The following RBPMS variants were observed in gnomAD, a reference collection of about 807,000 sequenced individuals.
The protein encoded by RBPMS is RNA binding protein, mRNA processing factor, also known as RNA-binding protein with multiple splicing.
Under a neutral mutation model 26.8 loss-of-function variants are expected in RBPMS, and 7 were observed. The observed-to-expected ratio is 0.26, with a 90% CI of 0.15 to 0.49. The LOEUF is 0.49. Ranked by LOEUF, RBPMS falls within the 20% of genes least tolerant of loss-of-function variation. The pLI is 0.98. For missense variants in RBPMS, 186 were observed against 250.0 expected, an observed-to-expected ratio of 0.74 and a Z score of 1.73; for synonymous variants, 96 against 93.3, an observed-to-expected ratio of 1.03 and a Z score of -0.17.
In RBPMS at chr8:30,521,037, G is replaced by C. The variant is rs570876577; in HGVS notation, c.397+16601G>C. The stretch of plus-strand genomic sequence containing the variant: ...TTTATCTTGTAAAAAGTGTGTCTTT[G>C]CACGTAAGATAAACATAAAACAGAC... On this transcript the variant is annotated intron_variant, in intron 5 of 8. Coordinates refer to ENST00000397323, the MANE Select transcript of RBPMS (RefSeq NM_001008710.3). Among the ~76,000 whole-genome samples, 200 of 152,228 alleles carry C rather than the reference G, an allele frequency of 1.3e-3. 2 individuals are homozygous for C. The highest frequency in any genetic ancestry group is 0.012 in the South Asian group (59 of 4,824).
At chr8:30,446,795 T>TTGTGTGTGTGTGTGTG (rs749402868) in intron 1 of RBPMS, 1 of 112,434 alleles carries the variant, frequency 8.9e-6, no homozygotes, top group African/African-American at 3.4e-5. Context: ...CACACATGGC[T>TTGTGTGTGTGTGTGTG]TGTGTGTGTG....
chr8:30,535,369 T>G (rs984305433), intron 5 of RBPMS, among the ~76,000 whole-genome samples: 1 of 152,102 alleles, frequency 6.6e-6, no homozygotes, highest in Admixed American at 6.5e-5. Flanking sequence ...AAAAGAAAAT[T>G]TTTCGTATAA....
chr8:30,496,997 C>CA (rs984515396), intron 4 of RBPMS, among the ~76,000 whole-genome samples: 1 of 152,182 alleles, frequency 6.6e-6, no homozygotes, highest in Non-Finnish European at 1.5e-5. Flanking sequence ...TGACAATACT[C>CA]AAAAAACTAA....
At chr8:30,488,102 A>G (rs1031450126) in intron 4 of RBPMS, among the ~76,000 whole-genome samples, 1 of 152,194 alleles carries the variant, frequency 6.6e-6, no homozygotes, top group Non-Finnish European at 1.5e-5. Context: ...TGAATTTTTA[A>G]ATCTGGTTTC....
At chr8:30,392,546 G>A (rs780749529) in intron 1 of RBPMS, among the ~76,000 whole-genome samples, 4 of 152,174 alleles carry the variant, frequency 2.6e-5, no homozygotes, top group African/African-American at 2.4e-5. Context: ...AATCTAGGAC[G>A]TCCCAATGGG....
At chr8:30,509,174 C>T (rs140643456) in intron 5 of RBPMS, among the ~76,000 whole-genome samples, 61 of 152,264 alleles carry the variant, frequency 4.0e-4, no homozygotes, top group African/African-American at 1.3e-3. Flanking sequence ...ACTGATAAAT[C>T]AAGGAATTTT....
chr8:30,566,770 C>T (rs1373840301), intron 8 of RBPMS, among the ~76,000 whole-genome samples: 1 of 152,062 alleles, frequency 6.6e-6, no homozygotes, highest in Non-Finnish European at 1.5e-5. Flanking sequence ...ATGTGTATAT[C>T]CCCCCATCTT....
At chr8:30,511,486 A>ATATATATAT (rs1212814521) in intron 5 of RBPMS, among the ~76,000 whole-genome samples, 5 of 23,532 alleles carry the variant, frequency 2.1e-4, no homozygotes, top group African/African-American at 8.3e-4. Context: ...AAAAAAAAAA[A>ATATATATAT]ATATATATAT....
chr8:30,449,196 A>C (rs1390598390), intron 1 of RBPMS, among the ~76,000 whole-genome samples: 1 of 152,166 alleles, frequency 6.6e-6, no homozygotes, highest in Non-Finnish European at 1.5e-5. Context: ...AAAAAGGAAA[A>C]CTATAATGTT....
chr8:30,541,790 G>T (rs1825414989), intron 5 of RBPMS, among the ~76,000 whole-genome samples: 2 of 152,202 alleles, frequency 1.3e-5, no homozygotes, highest in Admixed American at 6.5e-5. Flanking sequence ...CTTCAGTGGG[G>T]AGTCCTTGTG....
chr8:30,535,405 A>C (rs1469140265), intron 5 of RBPMS, among the ~76,000 whole-genome samples: 1 of 152,230 alleles, frequency 6.6e-6, no homozygotes, highest in African/African-American at 2.4e-5. Context: ...TTCAGGGTAC[A>C]CATAGCCTGT....
chr8:30,550,026 A>G (rs1826229473), intron 6 of RBPMS, among the ~76,000 whole-genome samples: 2 of 151,324 alleles, frequency 1.3e-5, no homozygotes, highest in African/African-American at 4.9e-5. Context: ...CATTTTTTGT[A>G]TTTTTAGTAG....
chr8:30,556,324 C>T (rs1416536100), intron 6 of RBPMS: 11 of 985,596 alleles, frequency 1.1e-5, no homozygotes, highest in Middle Eastern at 5.2e-4. Flanking sequence ...ACCAGGCTGA[C>T]GAGAGCCTGA....
At chr8:30,462,194 T>G (rs1815989782) in intron 1 of RBPMS, among the ~76,000 whole-genome samples, 1 of 152,216 alleles carries the variant, frequency 6.6e-6, no homozygotes, top group South Asian at 2.1e-4. Context: ...ACCTGTTTTC[T>G]AGTGTGGTTG....
chr8:30,536,855 G>T (rs1824857604), intron 5 of RBPMS, among the ~76,000 whole-genome samples: 1 of 152,042 alleles, frequency 6.6e-6, no homozygotes, highest in Non-Finnish European at 1.5e-5. Flanking sequence ...TAGCAGAGTG[G>T]GACTGAGCAG....
intron 1 of RBPMS, among the ~76,000 whole-genome samples, chr8:30,431,704 G>C (rs1052992989): frequency 6.6e-6 from 1 of 152,024 alleles, no homozygotes; most frequent in Non-Finnish European, 1.5e-5. Flanking sequence ...GGCCTGCCTC[G>C]TCCTCCCAAA....
chr8:30,476,632 A>G (rs900890886), intron 2 of RBPMS, among the ~76,000 whole-genome samples: 1 of 152,178 alleles, frequency 6.6e-6, no homozygotes, highest in African/African-American at 2.4e-5. Flanking sequence ...TCAGCACCCT[A>G]GTACATTCCT....
rs1318316165 is a variant in RBPMS, at chr8:30,520,120, A to G, written c.397+15684A>G. 3.3e-5 allele frequency among the ~76,000 whole-genome samples: 5 copies of G among 152,206 alleles called. No individual in the cohort carries two copies. In the South Asian group the frequency reaches 6.2e-4, roughly 19 times the overall value. ...TTCAAGCCTACATTGTAAGGTCCCT[A>G]TCACCTTCATTTTAACGACTTCATG... On this transcript the variant is annotated intron_variant, in intron 5 of 8. Coordinates refer to ENST00000397323, the MANE Select transcript of RBPMS (RefSeq NM_001008710.3).
intron 7 of RBPMS, among the ~76,000 whole-genome samples, chr8:30,559,647 T>C (rs1563452903): frequency 6.6e-6 from 1 of 152,220 alleles, no homozygotes; most frequent in African/African-American, 2.4e-5. Flanking sequence ...TAAACTCTAA[T>C]TTAGTATGTG....
Sources: allele counts gnomAD v4.1 joint callset (sites outside exome capture counted in the v4.1 genomes callset), GRCh38; gene constraint gnomAD v4.1.1; transcripts MANE v1.5; gene names NCBI Gene and HGNC (gene_info 2026-07-23, HGNC 2026-07-21).